The following SV2C variants were observed in gnomAD, a reference collection of about 807,000 sequenced individuals.
SV2C encodes solute carrier family 22 member B3.
SV2C carries 49 observed loss-of-function variants against 79.7 expected under a neutral mutation model. The ratio of observed to expected loss-of-function variants is 0.61; its 90% confidence interval spans 0.49 to 0.78. The LOEUF is 0.78. Among genes scored for constraint, SV2C ranks in the 30% least tolerant of loss-of-function variants. The pLI is 0.00. For missense variants in SV2C, 833 were observed against 912.9 expected (o/e 0.91, Z 1.13); for synonymous variants, 334 against 333.2 (o/e 1.00, Z -0.03).
At chr5:76,310,148 G>C (rs1748380127) in intron 12 of SV2C, among the ~76,000 whole-genome samples, 1 of 152,220 alleles carries the variant, frequency 6.6e-6, no homozygotes, top group Non-Finnish European at 1.5e-5. Flanking sequence ...GCTTTGCCTT[G>C]ATAGAGCTTA....
At chr5:76,051,446 T>C in the SV2C span, among the ~76,000 whole-genome samples, 1 of 152,172 alleles carries the variant, frequency 6.6e-6, no homozygotes, top group Non-Finnish European at 1.5e-5. Context: ...TTCAAAAATT[T>C]AGCAAAACTT....
the SV2C span, among the ~76,000 whole-genome samples, chr5:76,037,276 C>A: frequency 1.3e-5 from 2 of 152,228 alleles, no homozygotes; most frequent in Non-Finnish European, 2.9e-5. Context: ...AGCTTTGTTC[C>A]GTTGCTGGTG....
At chr5:75,975,996 A>G in the SV2C span, among the ~76,000 whole-genome samples, 1 of 152,232 alleles carries the variant, frequency 6.6e-6, no homozygotes, top group South Asian at 2.1e-4. Context: ...CAGAAGAGCT[A>G]GGATGCACAT....
the SV2C span, among the ~76,000 whole-genome samples, chr5:75,995,290 C>T: frequency 1.8e-4 from 28 of 152,234 alleles, no homozygotes; most frequent in African/African-American, 5.8e-4. Flanking sequence ...TTGCAGGTGA[C>T]TTCTCATTAC....
chr5:76,313,259 G>A (rs879556044), intron 12 of SV2C, among the ~76,000 whole-genome samples: 4 of 152,152 alleles, frequency 2.6e-5, no homozygotes, highest in Admixed American at 6.5e-5. Context: ...TTGGTACAGA[G>A]GAATCTTTCA....
At chr5:76,014,828 G>A in the SV2C span, among the ~76,000 whole-genome samples, 25 of 152,184 alleles carry the variant, frequency 1.6e-4, no homozygotes, top group African/African-American at 4.6e-4. Context: ...CTACGTTTAC[G>A]ACAGCCCATC....
chr5:75,943,889 A>G, the SV2C span, among the ~76,000 whole-genome samples: 1 of 152,148 alleles, frequency 6.6e-6, no homozygotes, highest in Non-Finnish European at 1.5e-5. Flanking sequence ...AGAACTTATT[A>G]CTGCCAGAAT....
chr5:76,258,396 A>G (rs1332607716), intron 4 of SV2C, among the ~76,000 whole-genome samples: 1 of 152,046 alleles, frequency 6.6e-6, no homozygotes, highest in Admixed American at 6.5e-5. Flanking sequence ...CAGGGCTGCA[A>G]ATGTCCTCTT....
At chr5:76,125,223 T>C (rs1028071904) in intron 1 of SV2C, among the ~76,000 whole-genome samples, 1 of 152,240 alleles carries the variant, frequency 6.6e-6, no homozygotes, top group African/African-American at 2.4e-5. Flanking sequence ...TTTCTATTTT[T>C]ATAGCAAGTC....
intron 4 of SV2C, among the ~76,000 whole-genome samples, chr5:76,225,726 C>T (rs1745216114): frequency 6.6e-6 from 1 of 152,148 alleles, no homozygotes; most frequent in African/African-American, 2.4e-5. Context: ...GGTTAGGCAA[C>T]TGGTTGAGGG....
the SV2C span, among the ~76,000 whole-genome samples, chr5:75,863,629 A>G: frequency 6.6e-6 from 1 of 152,158 alleles, no homozygotes; most frequent in Admixed American, 6.5e-5. Flanking sequence ...CTCGTTCAGA[A>G]GGGTTTGTAT....
intron 9 of SV2C, 148 bp downstream of exon 9, chr5:76,296,090 C>G: frequency 1.5e-6 from 1 of 669,492 alleles, no homozygotes; most frequent in South Asian, 2.5e-5. Context: ...TTCAATACTT[C>G]TTAATAGGCT....
the SV2C span, among the ~76,000 whole-genome samples, chr5:75,908,320 G>C: frequency 6.6e-6 from 1 of 152,142 alleles, no homozygotes; most frequent in Admixed American, 6.5e-5. Context: ...TATCTTACCA[G>C]TCACATAGTA....
chr5:76,072,588 G>C, the SV2C span, among the ~76,000 whole-genome samples: 1 of 152,108 alleles, frequency 6.6e-6, no homozygotes, highest in Non-Finnish European at 1.5e-5. Flanking sequence ...CTTTACACAG[G>C]AGTAGAGAAA....
At chr5:75,856,741 G>A in the SV2C span, among the ~76,000 whole-genome samples, 7 of 152,042 alleles carry the variant, frequency 4.6e-5, no homozygotes, top group South Asian at 1.5e-3. Context: ...CCCATTCTGT[G>A]GGTTGTCTCT....
the SV2C span, among the ~76,000 whole-genome samples, chr5:76,043,289 G>C: frequency 6.6e-6 from 1 of 152,262 alleles, no homozygotes; most frequent in Non-Finnish European, 1.5e-5. Context: ...ACCAGGATTG[G>C]TCTGTGTGAC....
chr5:76,178,274 G>A (rs1373888705), intron 2 of SV2C, among the ~76,000 whole-genome samples: 1 of 152,176 alleles, frequency 6.6e-6, no homozygotes, highest in Non-Finnish European at 1.5e-5. Context: ...AGGCAACATA[G>A]ACTTCACCTT....
the SV2C span, among the ~76,000 whole-genome samples, chr5:75,879,806 T>G: frequency 1.3e-5 from 2 of 152,212 alleles, no homozygotes; most frequent in Non-Finnish European, 2.9e-5. Flanking sequence ...TCCTCCACAT[T>G]GCCCTAGTAG....
At chr5:76,231,569 C>T (rs1391907508) in intron 4 of SV2C, among the ~76,000 whole-genome samples, 3 of 147,130 alleles carry the variant, frequency 2.0e-5, no homozygotes, top group Admixed American at 2.0e-4. Flanking sequence ...GTATATCTCC[C>T]AATGCTATCC....
Sources: allele counts gnomAD v4.1 joint callset (sites outside exome capture counted in the v4.1 genomes callset), GRCh38; gene constraint gnomAD v4.1.1; transcripts MANE v1.5; gene names NCBI Gene and HGNC (gene_info 2026-07-23, HGNC 2026-07-21).